SP140: variants seen among roughly 807,000 people sequenced by gnomAD.
SP140 encodes the protein nuclear body protein SP140.
A neutral mutation model predicts 125.0 loss-of-function variants in SP140; 81 were observed. The observed-to-expected ratio is 0.65, with a 90% CI of 0.54 to 0.78. SP140 has a LOEUF of 0.78. Among genes scored for constraint, SP140 ranks in the 30% least tolerant of loss-of-function variants. The probability of loss-of-function intolerance (pLI) is 0.00; values close to 1 mark genes in which losing one functional copy is unlikely to be tolerated. For missense variants in SP140, 858 were observed against 1,037.0 expected (o/e 0.83, Z 2.37); for synonymous variants, 312 against 354.0 (o/e 0.88, Z 1.33).
rs2053785848 is a variant in SP140, at chr2:230,270,571, C to G, written c.1445-15C>G. ...ATTAATTTCTGTTTCCTCACCACCA[C>G]TTGTTATTTTCCAGATACTGTGGAT... On this transcript the variant is annotated splice_polypyrimidine_tract_variant and intron_variant, in intron 14 of 26. Transcript: ENST00000392045. The G allele has an allele frequency of 1.2e-6, 2 of 1,603,514 alleles. No individual in the cohort carries two copies. The highest frequency in any genetic ancestry group is 1.7e-6 in the Non-Finnish European group (2 of 1,174,766).
At chr2:230,241,532 T>C (rs1436652235) in intron 4 of SP140, 45 bp downstream of exon 4, 2 of 1,157,682 alleles carry the variant, frequency 1.7e-6, no homozygotes, top group African/African-American at 3.0e-5. Context: ...AAGTTTTGCT[T>C]CCTTGCCTTC....
chr2:230,218,464 C>T (rs41309076), intron 3 of SP140, among the ~76,000 whole-genome samples: 1,523 of 152,236 alleles, frequency 0.01, 12 homozygotes, highest in Middle Eastern at 0.037. Flanking sequence ...AATCTACTAT[C>T]CACAATATGC....
intron 22 of SP140, among the ~76,000 whole-genome samples, chr2:230,303,215 A>G (rs1410716489): frequency 6.6e-6 from 1 of 152,238 alleles, no homozygotes; most frequent in Non-Finnish European, 1.5e-5. Context: ...ATTAGAAACA[A>G]AATGGGAGAT....
At chr2:230,251,862 C>T (rs16826955) in intron 10 of SP140, among the ~76,000 whole-genome samples, 48,626 of 151,778 alleles carry the variant, frequency 0.32, 7,868 homozygotes, top group South Asian at 0.38. Context: ...TTTGAGGAGC[C>T]AGAAACACAG....
At chr2:230,256,792 C>T (rs561163541) in intron 12 of SP140, among the ~76,000 whole-genome samples, 6 of 152,226 alleles carry the variant, frequency 3.9e-5, no homozygotes, top group Admixed American at 2.6e-4. Flanking sequence ...TAATGGTATT[C>T]TACCATCTAA....
At chr2:230,271,858 G>A (rs868552064) in intron 15 of SP140, among the ~76,000 whole-genome samples, 1 of 152,206 alleles carries the variant, frequency 6.6e-6, no homozygotes, top group Non-Finnish European at 1.5e-5. Flanking sequence ...CTGGGAAGTA[G>A]TGAAAGGTCA....
intron 1 of SP140, among the ~76,000 whole-genome samples, chr2:230,232,093 A>C (rs2047338098): frequency 6.6e-6 from 1 of 152,144 alleles, no homozygotes; most frequent in African/African-American, 2.4e-5. Context: ...TGGTTAAAGC[A>C]TTTTCCCTGG....
chr2:230,186,687 C>T, the SP140 span, among the ~76,000 whole-genome samples: 5 of 152,198 alleles, frequency 3.3e-5, no homozygotes, highest in Admixed American at 1.3e-4. Flanking sequence ...CTCCATAATC[C>T]GTTATATCAC....
intron 15 of SP140, among the ~76,000 whole-genome samples, chr2:230,283,287 C>G (rs1370047530): frequency 6.6e-6 from 1 of 152,226 alleles, no homozygotes; most frequent in Non-Finnish European, 1.5e-5. Context: ...TCTTGCTTCA[C>G]TGCTGCAAAA....
intron 22 of SP140, 39 bp from the exon 23 acceptor site, chr2:230,309,885 T>C (rs1378311021): frequency 3.1e-6 from 5 of 1,609,070 alleles, no homozygotes; most frequent in African/African-American, 1.3e-5. Flanking sequence ...TCCTGAATCT[T>C]GCGGTTCCCA....
intron 12 of SP140, among the ~76,000 whole-genome samples, chr2:230,256,096 A>G (rs1489478058): frequency 1.3e-5 from 2 of 152,210 alleles, no homozygotes; most frequent in Non-Finnish European, 2.9e-5. Flanking sequence ...TAGTTCAACC[A>G]TTGTGGAAGT....
chr2:230,245,973 C>A, intron 7 of SP140, 33 bp downstream of exon 7: 2 of 1,345,640 alleles, frequency 1.5e-6, no homozygotes, highest in Non-Finnish European at 2.1e-6. Context: ...CTTTATTTTT[C>A]TGTCAACATA....
At chr2:230,188,602 A>G in the SP140 span, among the ~76,000 whole-genome samples, 116,776 of 152,124 alleles carry the variant, frequency 0.77, 44,939 homozygotes, top group Admixed American at 0.83. Context: ...TTTCCCATTT[A>G]GTATCACATT....
At chr2:230,282,839 G>A (rs1435866583) in intron 15 of SP140, among the ~76,000 whole-genome samples, 5 of 152,224 alleles carry the variant, frequency 3.3e-5, no homozygotes, top group Non-Finnish European at 5.9e-5. Context: ...ATGTACATTA[G>A]TAAGGGAGAA....
chr2:230,285,930 T>C (rs1387109141), intron 17 of SP140, 98 bp downstream of exon 17: 11 of 875,212 alleles, frequency 1.3e-5, no homozygotes, highest in Middle Eastern at 2.2e-4. Flanking sequence ...TGTTTACTCA[T>C]CAAGCTTAGT....
chr2:230,253,222 G>A lies in SP140; in HGVS notation c.1058-94G>A, dbSNP rs1345382346. On this transcript the variant is annotated intron_variant, in intron 10 of 26. Coordinates refer to ENST00000392045, the MANE Select transcript of SP140 (RefSeq NM_007237.5). ...AGATGTAACAAGATGGAGAAAAGGC[G>A]GAACAAGACAGGGGTGGCTCTTAGC... 4.5e-5 allele frequency: 38 copies of A among 851,864 alleles called. No individual in the cohort carries two copies. In the East Asian group the frequency reaches 5.6e-4, roughly 12 times the overall value. The allele number at this position is 851,864 out of a possible 1,614,324, so 52.8% of individuals were successfully genotyped here.
downstream of SP140, among the ~76,000 whole-genome samples, chr2:230,314,700 A>C (rs2059471186): frequency 1.3e-5 from 2 of 152,238 alleles, no homozygotes; most frequent in African/African-American, 2.4e-5. Context: ...TGCACTCTAC[A>C]ACTGGAGAAT....
Position 230,272,235 on chromosome 2 carries a change from C to G in SP140, c.1498+1596C>G, listed in dbSNP as rs534190656. On this transcript the variant is annotated intron_variant, in intron 15 of 26. Transcript: ENST00000392045. The stretch of plus-strand genomic sequence containing the variant: ...TACGATTTTAGAATTCACATGGAAC[C>G]AAAAAAGAGCCTGAATAGCAAAGGC... Among the ~76,000 whole-genome samples the G allele has an allele frequency of 1.2e-4, 18 of 152,064 alleles. No individual in the cohort carries two copies. In the East Asian group the frequency reaches 3.1e-3, roughly 26 times the overall value.
At chr2:230,202,823 C>T, upstream of SP140, 3 of 1,155,186 alleles carry the variant, frequency 2.6e-6, no homozygotes, top group Non-Finnish European at 3.9e-6. Flanking sequence ...ATGCCCCTAA[C>T]TCCCACTCTT....
Sources: gnomAD v4.1 joint callset for allele counts (sites outside exome capture counted in the v4.1 genomes callset) on GRCh38, gnomAD v4.1.1 for gene constraint, MANE v1.5 for transcripts, NCBI Gene and HGNC (gene_info 2026-07-23, HGNC 2026-07-21) for gene names.